GLIS3: variants seen among roughly 807,000 people sequenced by gnomAD.
GLIS3 encodes the protein zinc finger protein GLIS3.
A neutral mutation model predicts 78.6 loss-of-function variants in GLIS3; 53 were observed. The observed-to-expected ratio is 0.67, with a 90% CI of 0.54 to 0.85. GLIS3 has a LOEUF of 0.85. Among genes scored for constraint, GLIS3 ranks in the 40% least tolerant of loss-of-function variants. GLIS3 has a pLI of 0.00. For synonymous variants in GLIS3, 684 were observed against 509.9 expected, an observed-to-expected ratio of 1.34 and a Z score of -4.60; for missense variants, 1,703 against 1,231.1, an observed-to-expected ratio of 1.38 and a Z score of -5.74.
chr9:4,355,426 A>G, the GLIS3 span, among the ~76,000 whole-genome samples: 2 of 152,332 alleles, frequency 1.3e-5, no homozygotes, highest in Middle Eastern at 3.4e-3. Context: ...TATCACTATG[A>G]TTATTAAATA....
intron 4 of GLIS3, among the ~76,000 whole-genome samples, chr9:4,006,533 G>A (rs1343510497): frequency 1.3e-5 from 2 of 152,118 alleles, no homozygotes; most frequent in Non-Finnish European, 2.9e-5. Context: ...AGGGGTGCAG[G>A]AAGGACAGGG....
At chr9:4,409,930 A>G in the GLIS3 span, among the ~76,000 whole-genome samples, 1 of 152,286 alleles carries the variant, frequency 6.6e-6, no homozygotes, top group African/African-American at 2.4e-5. Flanking sequence ...CAGTATACAT[A>G]AACACAGAAA....
chr9:4,170,833 A>G (rs894799510), intron 2 of GLIS3, among the ~76,000 whole-genome samples: 1 of 152,182 alleles, frequency 6.6e-6, no homozygotes, highest in African/African-American at 2.4e-5. Context: ...AAATACTAGT[A>G]AAAAATGTTC....
At chr9:4,324,104 T>C (rs943173262) in intron 2 of GLIS3, among the ~76,000 whole-genome samples, 5 of 152,224 alleles carry the variant, frequency 3.3e-5, no homozygotes, top group Admixed American at 6.6e-5. Context: ...CTCAACCCTA[T>C]GTAACTCCTG....
chr9:4,472,860 A>G, the GLIS3 span, among the ~76,000 whole-genome samples: 3 of 152,240 alleles, frequency 2.0e-5, no homozygotes, highest in African/African-American at 7.2e-5. Context: ...ACTTAGCAAG[A>G]TTGCAGATCT....
intron 2 of GLIS3, among the ~76,000 whole-genome samples, chr9:4,181,931 T>G (rs1817362147): frequency 6.6e-6 from 1 of 152,132 alleles, no homozygotes; most frequent in Non-Finnish European, 1.5e-5. Flanking sequence ...TAAGAAGCAC[T>G]CAGTCAACCC....
At chr9:4,303,059 C>G (rs1237496531), upstream of GLIS3, among the ~76,000 whole-genome samples, 1 of 152,174 alleles carries the variant, frequency 6.6e-6, no homozygotes, top group Non-Finnish European at 1.5e-5. Context: ...GAAACTCTCC[C>G]GAAGGAACAT....
chr9:4,221,479 T>C (rs529226325), intron 2 of GLIS3, among the ~76,000 whole-genome samples: 125 of 152,330 alleles, frequency 8.2e-4, no homozygotes, highest in African/African-American at 2.9e-3. Flanking sequence ...CTGGAAAATA[T>C]TCTTCTCCCA....
At chr9:4,045,524 G>A (rs1042136252) in intron 4 of GLIS3, among the ~76,000 whole-genome samples, 2 of 150,328 alleles carry the variant, frequency 1.3e-5, no homozygotes, top group African/African-American at 4.9e-5. Flanking sequence ...TTTTAAGGTA[G>A]AGATGGGTTT....
At chr9:4,431,909 T>C in the GLIS3 span, among the ~76,000 whole-genome samples, 1 of 151,276 alleles carries the variant, frequency 6.6e-6, no homozygotes, top group African/African-American at 2.4e-5. Flanking sequence ...ATGGTCTCTG[T>C]CACAACTATT....
At chr9:4,039,578 C>G (rs1194505265) in intron 4 of GLIS3, among the ~76,000 whole-genome samples, 1 of 152,156 alleles carries the variant, frequency 6.6e-6, no homozygotes, top group African/African-American at 2.4e-5. Flanking sequence ...ATTTTCTAGG[C>G]CATAAAAATA....
intron 4 of GLIS3, among the ~76,000 whole-genome samples, chr9:4,105,330 A>C (rs2890548): frequency 0.22 from 32,707 of 152,078 alleles, 4,022 homozygotes; most frequent in Middle Eastern, 0.34. Flanking sequence ...CCAACTTCAT[A>C]ATTTCACTCC....
the GLIS3 span, among the ~76,000 whole-genome samples, chr9:4,393,839 G>A: frequency 2.6e-5 from 4 of 151,870 alleles, no homozygotes; most frequent in South Asian, 2.1e-4. Context: ...TTTCTTTTAC[G>A]TTGTTAAACA....
intron 2 of GLIS3, among the ~76,000 whole-genome samples, chr9:4,203,717 C>G (rs755964340): frequency 4.6e-5 from 7 of 152,068 alleles, no homozygotes; most frequent in Non-Finnish European, 7.4e-5. Context: ...GTGCCCCCGT[C>G]AGTGGTGGAT....
intron 2 of GLIS3, among the ~76,000 whole-genome samples, chr9:4,179,779 G>A (rs1311798431): frequency 6.6e-6 from 1 of 151,816 alleles, no homozygotes; most frequent in Non-Finnish European, 1.5e-5. Flanking sequence ...GTTTGGTGGC[G>A]CATGCCTGTA....
At chr9:3,908,036 T>C (rs756369693) in intron 6 of GLIS3, among the ~76,000 whole-genome samples, 1 of 152,242 alleles carries the variant, frequency 6.6e-6, no homozygotes, top group Non-Finnish European at 1.5e-5. Flanking sequence ...TGGGGTGTTC[T>C]GAACCATCCC....
chr9:3,951,841 A>AAC (rs3061609), intron 4 of GLIS3, among the ~76,000 whole-genome samples: 21,203 of 130,356 alleles, frequency 0.16, 1,892 homozygotes, highest in South Asian at 0.3. Flanking sequence ...AATAAGCATG[A>AAC]ACACACACAC....
At chr9:4,169,320 T>A (rs992445462) in intron 2 of GLIS3, among the ~76,000 whole-genome samples, 10 of 152,218 alleles carry the variant, frequency 6.6e-5, no homozygotes, top group African/African-American at 2.2e-4. Context: ...ACTAACCAGT[T>A]TGAACACCCT....
intron 2 of GLIS3, among the ~76,000 whole-genome samples, chr9:4,142,915 G>A (rs945519979): frequency 6.6e-6 from 1 of 152,148 alleles, no homozygotes; most frequent in Non-Finnish European, 1.5e-5. Flanking sequence ...TTTTAAGGCT[G>A]AAAGATCAGT....
Sources: gnomAD v4.1 joint callset for allele counts (sites outside exome capture counted in the v4.1 genomes callset) on GRCh38, gnomAD v4.1.1 for gene constraint, MANE v1.5 for transcripts, NCBI Gene and HGNC (gene_info 2026-07-23, HGNC 2026-07-21) for gene names.